Variants in HSPG2 observed in about 807,000 individuals in gnomAD.
HSPG2 encodes the protein basement membrane-specific heparan sulfate proteoglycan core protein.
A neutral mutation model predicts 526.6 loss-of-function variants in HSPG2; 278 were observed. The ratio of observed to expected loss-of-function variants is 0.53; its 90% CI spans 0.48 to 0.58. HSPG2 has a LOEUF of 0.58. Among genes scored for constraint, HSPG2 ranks in the 20% least tolerant of loss-of-function variants. The pLI, the probability that HSPG2 is intolerant of heterozygous loss-of-function variation, is 0.00. For missense variants in HSPG2, 5,354 were observed against 6,099.5 expected (o/e 0.88, Z 4.07); for synonymous variants, 2,465 against 2,555.4 (o/e 0.96, Z 1.07).
At position 21,828,361 on chromosome 1, in the gene HSPG2, T is replaced by C; in HGVS notation, c.12303A>G (p.Gln4101=). 1.9e-6 allele frequency: 3 copies of C among 1,613,770 alleles called. No homozygotes were observed. The highest frequency in any genetic ancestry group is 2.2e-5 in the South Asian group (2 of 91,084). ...YSFLGSQGIG[Q]CYDSSPCERQ... Reference sequence around the variant, plus strand: ...GCTCACATGGGGAGCTATCATAGCATTGCCCGATGCCCTGGCTGCCTAGGA... The same window carrying C: ...GCTCACATGGGGAGCTATCATAGCACTGCCCGATGCCCTGGCTGCCTAGGA... The change falls in exon 89 of 97, where the codon CAA becomes CAG. Residue 4101 remains glutamine (Q), a synonymous_variant. Coordinates refer to ENST00000374695, the MANE Select transcript of HSPG2 (RefSeq NM_005529.7). This position sits in a 1 kb window ranked among gnomAD's most constrained non-coding sequence, Gnocchi z 6.0.
At chr1:21,849,416 C>A (rs542102256) in intron 57 of HSPG2, among the ~76,000 whole-genome samples, 1 of 152,316 alleles carries the variant, frequency 6.6e-6, no homozygotes, top group Admixed American at 6.5e-5. Flanking sequence ...TGTCCAGCAG[C>A]GGGGTGGTAG....
rs2097984957 is a variant in HSPG2, at chr1:21,828,163, G to C, written c.12410-11C>G. The stretch of plus-strand genomic sequence containing the variant: ...GCTCACACAGGTCTCCTGTGGGCCA[G>C]GGCAGAGGCGAGTGGGTGGGTGGGC... On this transcript the variant is annotated splice_polypyrimidine_tract_variant and intron_variant, in intron 89 of 96. Transcript: ENST00000374695. This position sits in a 1 kb window ranked among gnomAD's most constrained non-coding sequence, Gnocchi z 6.0. The C allele has an allele frequency of 1.2e-6, 2 of 1,612,838 alleles. No homozygotes were observed. Among genetic ancestry groups the C allele is most frequent in the Admixed American group, 3.3e-5 (2 of 59,992 alleles).
At position 21,850,083 on chromosome 1, in the gene HSPG2, G is replaced by A. The variant is rs1261596494; in HGVS notation, c.7404C>T (p.Val2468=). 6.2e-7 allele frequency: 1 copy of A among 1,613,506 alleles called. No homozygotes were observed. The highest frequency in any genetic ancestry group is 8.5e-7 in the Non-Finnish European group (1 of 1,180,030). The part of the protein sequence containing the change: ...CLVAGQAHAQ[V]TWHKRGGSLP... ...GGCTGCCCCCGCGCTTGTGCCACGT[G>A]ACCTGGGCATGGGCCTGACCAGCAA... The change falls in exon 57 of 97, where the codon GTC becomes GTT. Residue 2468 remains valine, a synonymous_variant. Coordinates refer to ENST00000374695, the MANE Select transcript of HSPG2 (RefSeq NM_005529.7).
At chr1:21,838,181 G>C (rs563002565) in intron 74 of HSPG2, among the ~76,000 whole-genome samples, 1 of 147,826 alleles carries the variant, frequency 6.8e-6, no homozygotes, top group Admixed American at 6.8e-5. Context: ...GGCTCAAAAA[G>C]GTTCAGTGAC....
At chr1:21,929,581 G>A (rs1197088926) in intron 1 of HSPG2, among the ~76,000 whole-genome samples, 2 of 131,632 alleles carry the variant, frequency 1.5e-5, no homozygotes, top group African/African-American at 6.3e-5. Flanking sequence ...CCCACCTGCC[G>A]GTTTTTTTTT....
chr1:21,912,912 G>A (rs1175501973), intron 1 of HSPG2, among the ~76,000 whole-genome samples: 3 of 151,930 alleles, frequency 2.0e-5, no homozygotes, highest in Admixed American at 6.6e-5. Context: ...CCCGGGAGGC[G>A]GAGGTTGCAG....
At chr1:21,833,044 C>G in intron 80 of HSPG2, 1 of 608,112 alleles carries the variant, frequency 1.6e-6, no homozygotes, top group Non-Finnish European at 3.0e-6. Flanking sequence ...AGAGGAGCCA[C>G]GAGGAGGCTG....
intron 87 of HSPG2, 142 bp from the exon 88 acceptor site, chr1:21,829,221 G>A (rs2097991011): frequency 4.3e-6 from 6 of 1,397,600 alleles, no homozygotes; most frequent in Non-Finnish European, 4.9e-6. Flanking sequence ...GCTCAGAGAG[G>A]GCTAGGGATT....
intron 1 of HSPG2, among the ~76,000 whole-genome samples, chr1:21,897,127 T>A (rs921952012): frequency 1.3e-5 from 2 of 152,182 alleles, no homozygotes; most frequent in Non-Finnish European, 2.9e-5. Flanking sequence ...TGAGTGCCTC[T>A]TCCCCCTAGA....
At chr1:21,930,129 G>C (rs987235558) in intron 1 of HSPG2, among the ~76,000 whole-genome samples, 1 of 151,286 alleles carries the variant, frequency 6.6e-6, no homozygotes, top group Non-Finnish European at 1.5e-5. Context: ...CCAGCCCCAC[G>C]GGCCTCCTTG....
intron 1 of HSPG2, among the ~76,000 whole-genome samples, chr1:21,910,058 A>G (rs1643581668): frequency 6.6e-6 from 1 of 152,176 alleles, no homozygotes; most frequent in South Asian, 2.1e-4. Flanking sequence ...ATGCCACCGC[A>G]CCATATAGGG....
chr1:21,849,836 C>T (rs896706912), intron 57 of HSPG2, among the ~76,000 whole-genome samples: 4 of 152,158 alleles, frequency 2.6e-5, no homozygotes, highest in African/African-American at 9.7e-5. Context: ...CGCACCACCA[C>T]GCCCGGCTAA....
chr1:21,852,008 G>A, intron 53 of HSPG2, 80 bp downstream of exon 53: 1 of 1,611,048 alleles, frequency 6.2e-7, no homozygotes, highest in Non-Finnish European at 8.5e-7. Flanking sequence ...GATCTAGGAA[G>A]TGCCAGCCCC....
intron 1 of HSPG2, among the ~76,000 whole-genome samples, chr1:21,915,824 C>A (rs1045419517): frequency 6.6e-6 from 1 of 151,046 alleles, no homozygotes; most frequent in Non-Finnish European, 1.5e-5. Context: ...CCGAGGTGGG[C>A]GGATCACCTG....
At position 21,824,913 on chromosome 1, in the gene HSPG2, CG is replaced by C; in HGVS notation, c.12590-135del. ...CGAGCCTGCAGTCCCTGGGGACCCACGGGGGCTGCCAACAGAATTCAGGGAG... is the reference window on the plus strand; with the variant it reads ...CGAGCCTGCAGTCCCTGGGGACCCACGGGGCTGCCAACAGAATTCAGGGAG... On this transcript the variant is annotated intron_variant, in intron 91 of 96. Coordinates refer to ENST00000374695, the MANE Select transcript of HSPG2 (RefSeq NM_005529.7). The surrounding 1 kb of genome is among the most constrained non-coding windows in gnomAD (Gnocchi z 5.9). The C allele has an allele frequency of 1.3e-6, 1 of 789,460 alleles. No individual in the cohort carries two copies. Among genetic ancestry groups the C allele is most frequent in the South Asian group, 1.5e-5 (1 of 67,910 alleles). 48.9% of individuals were successfully genotyped at this position (789,460 alleles called of 1,614,324 possible). A position where few individuals can be genotyped will look rare whatever the true frequency, so the allele number is the denominator to read the frequency against.
At position 21,828,395 on chromosome 1, in the gene HSPG2, G is replaced by T. The variant is rs746598129; in HGVS notation, c.12269C>A (p.Thr4090Asn). 1.2e-5 allele frequency: 20 copies of T among 1,613,622 alleles called. No homozygotes were observed. The South Asian group carries it at 2.1e-4, about 17-fold the overall frequency. ...GCCCTGGCTGCCTAGGAAACTGTAG[G>T]TGAGGTCCAGCCGTTTGCCATTCAC... ...VSVNGKRLDL[T>N]YSFLGSQGIG... Residue 4090 changes from threonine (T) to asparagine (N), a missense_variant, in exon 89 of 97, where the codon ACC becomes AAC. By Grantham distance (65) the Thr-to-Asn change is moderately conservative. Coordinates refer to ENST00000374695, the MANE Select transcript of HSPG2 (RefSeq NM_005529.7). The surrounding 1 kb of genome is among the most constrained non-coding windows in gnomAD (Gnocchi z 6.0).
Position 21,827,988 on chromosome 1 carries a change from C to T in HSPG2, c.12532+42G>A, listed in dbSNP as rs190093339. Reference sequence around the variant, plus strand: ...TGGGTACTATGTCGAGCTCCGGGGCCCCAAGACAGAGATGAAGTGGAGAGA... The same window carrying T: ...TGGGTACTATGTCGAGCTCCGGGGCTCCAAGACAGAGATGAAGTGGAGAGA... On this transcript the variant is annotated intron_variant, in intron 90 of 96. Coordinates refer to ENST00000374695, the MANE Select transcript of HSPG2 (RefSeq NM_005529.7). The T allele has an allele frequency of 4.3e-5, 70 of 1,612,918 alleles. No individual in the cohort carries two copies. The African/African-American group carries it at 4.8e-4, about 11-fold the overall frequency.
Position 21,885,443 on chromosome 1 carries a change from G to T in HSPG2, c.1087C>A (p.Arg363Ser), listed in dbSNP as rs373137902. The change falls in exon 10 of 97, where the codon CGT becomes AGT. Residue 363 changes from arginine (R) to serine (S), a missense_variant. Coordinates refer to ENST00000374695, the MANE Select transcript of HSPG2 (RefSeq NM_005529.7). Reference protein sequence around the residue: ...RTDEANCPTKRPEEVCGPTQF... With the variant: ...RTDEANCPTKSPEEVCGPTQF... ...GTGGGCCCGCACACTTCCTCAGGAC[G>T]CTTGGTGGCTGGGGACAAAGCCAGG... The T allele has an allele frequency of 2.0e-5, 32 of 1,613,874 alleles. No homozygotes were observed. Among genetic ancestry groups the T allele is most frequent in the African/African-American group, 2.7e-5 (2 of 74,900 alleles).
chr1:21,909,851 A>G (rs560565278), intron 1 of HSPG2, among the ~76,000 whole-genome samples: 3 of 152,364 alleles, frequency 2.0e-5, no homozygotes, highest in South Asian at 2.1e-4. Context: ...AGGAGGGCCC[A>G]GTGGGCCAAT....
Sources: allele counts gnomAD v4.1 joint callset (sites outside exome capture counted in the v4.1 genomes callset), GRCh38; gene constraint gnomAD v4.1.1; non-coding constraint Gnocchi (gnomAD v3.1); transcripts MANE v1.5; gene names NCBI Gene and HGNC (gene_info 2026-07-23, HGNC 2026-07-21).